Variants in EYA1 observed in about 807,000 individuals in gnomAD.
EYA1 encodes protein phosphatase EYA1.
A neutral mutation model predicts 82.0 loss-of-function variants in EYA1; 16 were observed. The observed-to-expected ratio is 0.20, with a 90% confidence interval of 0.13 to 0.30. EYA1 has a LOEUF of 0.30. EYA1 is among the 10% of genes least tolerant of loss of function. The probability of loss-of-function intolerance (pLI) is 1.00; values close to 1 mark genes in which losing one functional copy is unlikely to be tolerated. For missense variants in EYA1, 633 were observed against 730.7 expected (o/e 0.87, Z 1.54); for synonymous variants, 261 against 264.4 (o/e 0.99, Z 0.12).
chr8:71,369,880 T>C (rs1827982337), intron 2 of EYA1, among the ~76,000 whole-genome samples: 3 of 152,318 alleles, frequency 2.0e-5, no homozygotes, highest in African/African-American at 4.8e-5. Flanking sequence ...ATTATCATTA[T>C]AGGAACATTA....
intron 11 of EYA1, among the ~76,000 whole-genome samples, chr8:71,267,337 T>C (rs1815960839): frequency 6.6e-6 from 1 of 152,104 alleles, no homozygotes; most frequent in Non-Finnish European, 1.5e-5. Flanking sequence ...TTTCTTCTGC[T>C]TACAACACCC....
intron 2 of EYA1, among the ~76,000 whole-genome samples, chr8:71,387,568 A>G (rs1046123525): frequency 2.6e-5 from 4 of 152,200 alleles, no homozygotes; most frequent in Non-Finnish European, 5.9e-5. Flanking sequence ...TTATTGGAAC[A>G]GAATGATTTA....
At chr8:71,439,593 G>A (rs548419792) in intron 2 of EYA1, among the ~76,000 whole-genome samples, 23 of 152,302 alleles carry the variant, frequency 1.5e-4, no homozygotes, top group Admixed American at 6.5e-4. Context: ...CATAATTTCC[G>A]CCATTCATGG....
At chr8:71,279,582 G>A (rs919135011) in intron 9 of EYA1, among the ~76,000 whole-genome samples, 8 of 152,300 alleles carry the variant, frequency 5.3e-5, no homozygotes, top group South Asian at 2.1e-4. Flanking sequence ...TTTGAAATTA[G>A]TTTTCCTATG....
chr8:71,451,076 T>C (rs971407169), intron 2 of EYA1, among the ~76,000 whole-genome samples: 3 of 152,248 alleles, frequency 2.0e-5, no homozygotes, highest in Admixed American at 6.5e-5. Context: ...ATATTTTGAA[T>C]GTTGTGAGGG....
chr8:71,533,207 G>A (rs1278830845), intron 2 of EYA1, among the ~76,000 whole-genome samples: 1 of 152,220 alleles, frequency 6.6e-6, no homozygotes, highest in Non-Finnish European at 1.5e-5. Context: ...CAAGGTGTAG[G>A]TTACACGGCT....
intron 2 of EYA1, chr8:71,404,837 G>C (rs549505050): frequency 7.0e-6 from 1 of 143,188 alleles, no homozygotes; most frequent in East Asian, 2.1e-4. Context: ...AGAACGGCGC[G>C]AACCCGGGAG....
intron 9 of EYA1, among the ~76,000 whole-genome samples, chr8:71,272,601 C>T (rs144315903): frequency 6.6e-6 from 1 of 152,236 alleles, no homozygotes; most frequent in East Asian, 1.9e-4. Context: ...TACATAGAAA[C>T]CACAAAATAA....
intron 2 of EYA1, chr8:71,404,058 T>C (rs1313439017): frequency 2.0e-5 from 3 of 152,278 alleles, no homozygotes; most frequent in African/African-American, 4.8e-5. Flanking sequence ...AGCACAGTGA[T>C]TGGAAATGGA....
chr8:71,390,439 T>A (rs1222322828), intron 2 of EYA1, among the ~76,000 whole-genome samples: 1 of 152,084 alleles, frequency 6.6e-6, no homozygotes, highest in Non-Finnish European at 1.5e-5. Flanking sequence ...ATTTTTAAAT[T>A]TTTTGTGGAG....
intron 2 of EYA1, among the ~76,000 whole-genome samples, chr8:71,447,600 A>G (rs1806995367): frequency 6.6e-6 from 1 of 152,228 alleles, no homozygotes; most frequent in African/African-American, 2.4e-5. Context: ...TAATACAGGC[A>G]TATTTCAGAA....
At position 71,381,432 on chromosome 8, in the gene EYA1, G is replaced by C. The variant is rs532957116; in HGVS notation, c.34-24921C>G. 3.9e-5 allele frequency among the ~76,000 whole-genome samples: 6 copies of C among 152,266 alleles called. No homozygotes were observed. The South Asian group carries it at 6.2e-4, about 16-fold the overall frequency. On this transcript the variant is annotated intron_variant, in intron 2 of 18. Transcript: ENST00000643681. ...ATCTATAAGCTGCTCTATGCCAAAA[G>C]GAGATGAAACGCCGGTGGAAGAAAA...
At chr8:71,370,373 T>C (rs7009326) in intron 2 of EYA1, among the ~76,000 whole-genome samples, 18,285 of 147,116 alleles carry the variant, frequency 0.12, 1,437 homozygotes, top group African/African-American at 0.21. Context: ...ATTTATCATG[T>C]ATCTAGTATG....
intron 7 of EYA1, among the ~76,000 whole-genome samples, chr8:71,315,893 G>A (rs1273180553): frequency 6.6e-6 from 1 of 151,962 alleles, no homozygotes; most frequent in Non-Finnish European, 1.5e-5. Context: ...CAGGCCTTTT[G>A]AATCAAATGC....
At chr8:71,312,665 T>C (rs1821474435) in intron 7 of EYA1, among the ~76,000 whole-genome samples, 1 of 152,160 alleles carries the variant, frequency 6.6e-6, no homozygotes, top group Non-Finnish European at 1.5e-5. Flanking sequence ...CTCAAACTCC[T>C]GACCTTGGGT....
chr8:71,239,563 C>G (rs1812231214), intron 12 of EYA1, among the ~76,000 whole-genome samples: 1 of 152,162 alleles, frequency 6.6e-6, no homozygotes. Flanking sequence ...GTATACCAGT[C>G]TGTGTACAGG....
chr8:71,286,450 T>G (rs1818369561), intron 9 of EYA1, among the ~76,000 whole-genome samples: 1 of 152,218 alleles, frequency 6.6e-6, no homozygotes, highest in Non-Finnish European at 1.5e-5. Flanking sequence ...TCTGGAGGCA[T>G]GGAGCCATGA....
intron 4 of EYA1, among the ~76,000 whole-genome samples, chr8:71,330,659 A>C (rs1823733015): frequency 6.6e-6 from 1 of 152,254 alleles, no homozygotes; most frequent in East Asian, 1.9e-4. Context: ...CATGTGGTCC[A>C]GCAGGGACAA....
At chr8:71,242,037 C>G (rs557178294) in intron 12 of EYA1, among the ~76,000 whole-genome samples, 4 of 152,044 alleles carry the variant, frequency 2.6e-5, no homozygotes, top group African/African-American at 7.2e-5. Flanking sequence ...GAAGAAACAC[C>G]GTTTCTACTA....
Sources: allele counts gnomAD v4.1 joint callset (sites outside exome capture counted in the v4.1 genomes callset), GRCh38; gene constraint gnomAD v4.1.1; transcripts MANE v1.5; gene names NCBI Gene and HGNC (gene_info 2026-07-23, HGNC 2026-07-21).